The following TASP1 variants were observed in gnomAD, a reference collection of about 807,000 sequenced individuals.
TASP1 encodes taspase 1.
A neutral mutation model predicts 56.6 loss-of-function variants in TASP1; 16 were observed. That is an observed-to-expected ratio of 0.28 (90% CI 0.19 to 0.43). The LOEUF (loss-of-function observed/expected upper bound fraction) is 0.43, where lower values mean the gene tolerates loss of function less well. TASP1 is among the 20% of genes least tolerant of loss of function. The pLI, the probability that TASP1 is intolerant of heterozygous loss-of-function variation, is 1.00. For missense variants in TASP1, 393 were observed against 511.6 expected (o/e 0.77, Z 2.24); for synonymous variants, 179 against 184.2 (o/e 0.97, Z 0.23).
At chr20:13,392,894 T>A (rs1451299015) in intron 13 of TASP1, 9 of 650,584 alleles carry the variant, frequency 1.4e-5, no homozygotes, top group Non-Finnish European at 2.3e-5. Flanking sequence ...GGAAATCCCA[T>A]CAGCATCTTT....
At chr20:13,341,548 G>A in the TASP1 span, among the ~76,000 whole-genome samples, 1 of 151,900 alleles carries the variant, frequency 6.6e-6, no homozygotes, top group Non-Finnish European at 1.5e-5. Flanking sequence ...GAAAAAGTGG[G>A]GCATATTTTT....
intron 4 of TASP1, among the ~76,000 whole-genome samples, chr20:13,600,345 TGATTTCAA>T (rs1185407792): frequency 7.2e-5 from 11 of 152,320 alleles, no homozygotes; most frequent in Admixed American, 5.2e-4. Context: ...TCACATTGCC[TGATTTCAA>T]GATTTCAAGA....
chr20:13,481,239 T>C (rs754363821), intron 11 of TASP1, among the ~76,000 whole-genome samples: 14 of 152,176 alleles, frequency 9.2e-5, no homozygotes, highest in African/African-American at 1.2e-4. Context: ...TCCATGTTGT[T>C]GCAAATGACA....
chr20:13,602,889 T>G (rs1407516329), intron 4 of TASP1, among the ~76,000 whole-genome samples: 1 of 152,144 alleles, frequency 6.6e-6, no homozygotes, highest in Non-Finnish European at 1.5e-5. Context: ...CTAAAATATC[T>G]TCACAATTGT....
chr20:13,359,463 C>A, the TASP1 span, among the ~76,000 whole-genome samples: 1 of 151,726 alleles, frequency 6.6e-6, no homozygotes, highest in African/African-American at 2.4e-5. Flanking sequence ...TCAGAAGCCC[C>A]CTAGACCATC....
intron 10 of TASP1, among the ~76,000 whole-genome samples, chr20:13,491,382 T>C (rs1429188269): frequency 6.6e-6 from 1 of 152,164 alleles, no homozygotes; most frequent in Admixed American, 6.6e-5. Context: ...TCACAATACT[T>C]TCTCTTAAGG....
chr20:13,623,239 A>C (rs1745377144), intron 4 of TASP1, among the ~76,000 whole-genome samples: 1 of 152,212 alleles, frequency 6.6e-6, no homozygotes, highest in African/African-American at 2.4e-5. Flanking sequence ...AAAAAAAGAA[A>C]AGAAAGGAAT....
intron 8 of TASP1, among the ~76,000 whole-genome samples, chr20:13,550,589 G>C (rs1390457576): frequency 6.6e-6 from 1 of 151,942 alleles, no homozygotes; most frequent in East Asian, 1.9e-4. Flanking sequence ...AGTCAAAGAA[G>C]TTTCCTACTT....
chr20:13,109,725 G>A, the TASP1 span, among the ~76,000 whole-genome samples: 1 of 152,202 alleles, frequency 6.6e-6, no homozygotes, highest in East Asian at 1.9e-4. Context: ...ACATGCTCAT[G>A]TCTACACGAT....
intron 1 of TASP1, among the ~76,000 whole-genome samples, chr20:13,634,853 A>AC (rs966138632): frequency 2.4e-4 from 37 of 151,562 alleles, no homozygotes; most frequent in African/African-American, 7.8e-4. Flanking sequence ...ACAAGGAGAA[A>AC]CCCCGTCTCT....
intron 13 of TASP1, among the ~76,000 whole-genome samples, chr20:13,402,236 A>C (rs1471009149): frequency 6.6e-6 from 1 of 152,234 alleles, no homozygotes; most frequent in African/African-American, 2.4e-5. Flanking sequence ...ATCATTTGGA[A>C]GAAATTAATG....
chr20:13,524,984 A>G (rs542432391), intron 10 of TASP1, among the ~76,000 whole-genome samples: 72 of 152,354 alleles, frequency 4.7e-4, no homozygotes, highest in Non-Finnish European at 1.6e-4. Flanking sequence ...TGACTTTGCT[A>G]TCAGTGAAGG....
At chr20:13,297,600 G>A in the TASP1 span, among the ~76,000 whole-genome samples, 2 of 152,230 alleles carry the variant, frequency 1.3e-5, no homozygotes, top group South Asian at 4.1e-4. Flanking sequence ...AAAGGATCAA[G>A]TAGGAGCTGT....
the TASP1 span, among the ~76,000 whole-genome samples, chr20:13,156,998 C>T: frequency 1.3e-5 from 2 of 152,128 alleles, no homozygotes; most frequent in Non-Finnish European, 2.9e-5. Context: ...TTTCTTTCAA[C>T]TTAAGATTGT....
the TASP1 span, among the ~76,000 whole-genome samples, chr20:13,133,689 A>T: frequency 6.6e-6 from 1 of 152,098 alleles, no homozygotes; most frequent in African/African-American, 2.4e-5. Context: ...AGCTGAGTTA[A>T]GGGGTAGCAC....
chr20:13,403,529 T>A (rs2041814276), intron 13 of TASP1, among the ~76,000 whole-genome samples: 1 of 152,174 alleles, frequency 6.6e-6, no homozygotes, highest in Admixed American at 6.5e-5. Flanking sequence ...CAACTAATTT[T>A]CAGAATTCTA....
intron 11 of TASP1, among the ~76,000 whole-genome samples, chr20:13,457,753 A>G (rs1231083073): frequency 6.6e-6 from 1 of 152,204 alleles, no homozygotes; most frequent in Non-Finnish European, 1.5e-5. Flanking sequence ...CCAAATATGC[A>G]GAAACACAGA....
chr20:13,157,797 C>G, the TASP1 span, among the ~76,000 whole-genome samples: 1 of 152,104 alleles, frequency 6.6e-6, no homozygotes, highest in Non-Finnish European at 1.5e-5. Flanking sequence ...TGTGATATTT[C>G]TTTGTTGGAA....
At chr20:13,348,559 C>T in the TASP1 span, among the ~76,000 whole-genome samples, 2 of 151,438 alleles carry the variant, frequency 1.3e-5, no homozygotes, top group South Asian at 2.1e-4. Flanking sequence ...GTGGATTTCA[C>T]GTTGGCTGAC....
Sources: allele counts gnomAD v4.1 joint callset (sites outside exome capture counted in the v4.1 genomes callset), GRCh38; gene constraint gnomAD v4.1.1; transcripts MANE v1.5; gene names NCBI Gene and HGNC (gene_info 2026-07-23, HGNC 2026-07-21).